MALRD1: variants seen among roughly 807,000 people sequenced by gnomAD.
The protein encoded by MALRD1 is MAM and LDL receptor class A domain containing 1.
A neutral mutation model predicts 242.1 loss-of-function variants in MALRD1; 247 were observed. That is an observed-to-expected ratio of 1.02 (90% CI 0.92 to 1.13). MALRD1 has a LOEUF of 1.13. MALRD1 is among the 50% of genes most tolerant of loss of function. The pLI is 0.00. For missense variants in MALRD1, 2,989 were observed against 2,533.1 expected (o/e 1.18, Z -3.86); for synonymous variants, 995 against 866.6 (o/e 1.15, Z -2.60).
intron 21 of MALRD1, among the ~76,000 whole-genome samples, chr10:19,303,748 AT>A (rs1842051213): frequency 1.3e-5 from 2 of 151,754 alleles, no homozygotes; most frequent in African/African-American, 4.8e-5. Flanking sequence ...CTTTTTTAAA[AT>A]AATCTTCAAA....
chr10:19,540,197 C>G (rs1298703010), intron 32 of MALRD1, among the ~76,000 whole-genome samples: 2 of 152,008 alleles, frequency 1.3e-5, no homozygotes, highest in South Asian at 2.1e-4. Context: ...TTCCGGAACC[C>G]CTTCTTTAGG....
intron 14 of MALRD1, among the ~76,000 whole-genome samples, chr10:19,199,168 G>A (rs564863581): frequency 2.0e-5 from 3 of 148,010 alleles, no homozygotes; most frequent in Non-Finnish European, 4.5e-5. Flanking sequence ...ACAAAATCTA[G>A]AGGAAAAAAA....
intron 19 of MALRD1, among the ~76,000 whole-genome samples, chr10:19,268,427 G>C (rs951430288): frequency 1.3e-5 from 2 of 152,106 alleles, no homozygotes; most frequent in African/African-American, 4.8e-5. Context: ...ATAACTCCAA[G>C]TTATTGTAGT....
At chr10:19,582,432 T>C (rs2131512311) in intron 33 of MALRD1, among the ~76,000 whole-genome samples, 1 of 145,844 alleles carries the variant, frequency 6.9e-6, no homozygotes, top group African/African-American at 2.5e-5. Flanking sequence ...GTTTCAGCTT[T>C]CTACATATGG....
intron 26 of MALRD1, among the ~76,000 whole-genome samples, chr10:19,370,948 A>T (rs1237903196): frequency 1.3e-5 from 2 of 152,010 alleles, no homozygotes; most frequent in Non-Finnish European, 2.9e-5. Flanking sequence ...TGTGATTTTT[A>T]AAAAAGTGTT....
At chr10:19,681,413 A>C (rs182806983) in intron 36 of MALRD1, among the ~76,000 whole-genome samples, 8 of 152,066 alleles carry the variant, frequency 5.3e-5, no homozygotes, top group Admixed American at 5.2e-4. Flanking sequence ...GATAGTCTTT[A>C]CGCTCTGAAA....
At chr10:19,114,633 A>G (rs1282828997) in intron 5 of MALRD1, among the ~76,000 whole-genome samples, 1 of 152,160 alleles carries the variant, frequency 6.6e-6, no homozygotes, top group Admixed American at 6.5e-5. Flanking sequence ...AAAAAAAATG[A>G]TATTTAGATT....
chr10:19,511,741 A>G (rs949631724), intron 31 of MALRD1, among the ~76,000 whole-genome samples: 1 of 152,240 alleles, frequency 6.6e-6, no homozygotes, highest in African/African-American at 2.4e-5. Flanking sequence ...ATATTGGTTT[A>G]ACATGACATA....
At chr10:19,485,382 G>A (rs936217337) in intron 29 of MALRD1, among the ~76,000 whole-genome samples, 1 of 152,116 alleles carries the variant, frequency 6.6e-6, no homozygotes, top group African/African-American at 2.4e-5. Context: ...GGTGGCTCAC[G>A]CCTGTAATCC....
At chr10:19,248,159 T>C (rs1279141602) in intron 18 of MALRD1, among the ~76,000 whole-genome samples, 1 of 152,196 alleles carries the variant, frequency 6.6e-6, no homozygotes, top group Admixed American at 6.6e-5. Context: ...CATACTAAGG[T>C]TGCTGTTTGC....
intron 2 of MALRD1, among the ~76,000 whole-genome samples, chr10:19,084,276 G>A (rs1835592638): frequency 6.6e-6 from 1 of 151,894 alleles, no homozygotes; most frequent in Non-Finnish European, 1.5e-5. Flanking sequence ...TTGTATCTAA[G>A]ACTACTATTT....
At chr10:19,253,160 TG>T (rs1250408492) in intron 18 of MALRD1, among the ~76,000 whole-genome samples, 1 of 151,958 alleles carries the variant, frequency 6.6e-6, no homozygotes. Flanking sequence ...GAAAAATAAG[TG>T]GGTGTCATTA....
At position 19,175,463 on chromosome 10, in the gene MALRD1, A is replaced by AATATATATAT. The variant is rs376874358; in HGVS notation, c.1951+146_1951+155dup. On this transcript the variant is annotated intron_variant, in intron 14 of 39. Coordinates refer to ENST00000454679, the MANE Select transcript of MALRD1 (RefSeq NM_001142308.3). ...TATATCACCTGTTCTTGAAACCTAA[A>AATATATATAT]ATATATATATATATATATATTTTAA... The AATATATATAT allele has an allele frequency of 3.3e-3, 666 of 202,816 alleles. 13 individuals are homozygous for AATATATATAT. The highest frequency in any genetic ancestry group is 0.015 in the African/African-American group (609 of 39,874). The allele number at this position is 202,816 out of a possible 1,614,324, so 12.6% of individuals were successfully genotyped here.
chr10:19,226,589 T>A (rs1182496858), intron 18 of MALRD1, among the ~76,000 whole-genome samples: 7 of 151,994 alleles, frequency 4.6e-5, no homozygotes, highest in Non-Finnish European at 1.0e-4. Flanking sequence ...TTATAGGTCC[T>A]TTTGGATAAA....
chr10:19,136,633 G>T lies in MALRD1; in HGVS notation c.1263G>T (p.Trp421Cys). The T allele has an allele frequency of 8.1e-7, 1 of 1,231,476 alleles. No individual in the cohort carries two copies. The highest frequency in any genetic ancestry group is 1.0e-6 in the Non-Finnish European group (1 of 987,936). The allele number at this position is 1,231,476 out of a possible 1,614,324, so 76.3% of individuals were successfully genotyped here. The change falls in exon 10 of 40, where the codon TGG becomes TGT. Residue 421 changes from tryptophan (W) to cysteine (C), a missense_variant. Transcript: ENST00000454679. ...GTTTTATTGCCCTTGATCACCTCTG[G>T]GTCTATGCCTGTGGACAGACCCAAT... ...QRSFIALDHL[W>C]VYACGQTQSR...
At chr10:19,177,999 A>G (rs1046783485) in intron 14 of MALRD1, among the ~76,000 whole-genome samples, 2 of 152,112 alleles carry the variant, frequency 1.3e-5, no homozygotes, top group Non-Finnish European at 2.9e-5. Flanking sequence ...GGTACCTCCC[A>G]ATCTCCTTCA....
At chr10:19,713,554 T>A (rs1834242664) in intron 38 of MALRD1, among the ~76,000 whole-genome samples, 1 of 152,238 alleles carries the variant, frequency 6.6e-6, no homozygotes, top group African/African-American at 2.4e-5. Flanking sequence ...AACTTTTAAT[T>A]GTCTGAAAAA....
intron 19 of MALRD1, 41 bp downstream of exon 19, chr10:19,257,812 G>T: frequency 3.1e-6 from 4 of 1,295,018 alleles, no homozygotes; most frequent in Non-Finnish European, 4.2e-6. Flanking sequence ...TTCTAAATCT[G>T]TTTACTTGGA....
intron 33 of MALRD1, among the ~76,000 whole-genome samples, chr10:19,590,613 A>G (rs1362122961): frequency 1.3e-5 from 2 of 152,008 alleles, no homozygotes; most frequent in East Asian, 3.9e-4. Context: ...TGCTCCTCAG[A>G]TTTTCATAAG....
Sources: gnomAD v4.1 joint callset for allele counts (sites outside exome capture counted in the v4.1 genomes callset) on GRCh38, gnomAD v4.1.1 for gene constraint, MANE v1.5 for transcripts, NCBI Gene and HGNC (gene_info 2026-07-23, HGNC 2026-07-21) for gene names.